NF2: variants seen among roughly 807,000 people sequenced by gnomAD.
The protein encoded by NF2 is NF2, moesin-ezrin-radixin like (MERLIN) tumor suppressor, also known as merlin.
In NF2, 8 loss-of-function variants were observed where a neutral mutation model predicts 83.7. That is an observed-to-expected ratio of 0.10 (90% CI 0.06 to 0.17). The LOEUF is 0.17. Ranked by LOEUF, NF2 falls within the 10% of genes least tolerant of loss-of-function variation. NF2 has a pLI of 1.00. For missense variants in NF2, 533 were observed against 744.4 expected, an observed-to-expected ratio of 0.72 and a Z score of 3.31; for synonymous variants, 266 against 269.6, an observed-to-expected ratio of 0.99 and a Z score of 0.13.
rs962656198 is a variant in NF2, at chr22:29,664,937, T to C, written c.811-53T>C. ...GCGCATTTGTGGAATTTCCAATTGCTGGTAACATTCCAGGCTGTCGGACTG... is the reference window on the plus strand; with the variant it reads ...GCGCATTTGTGGAATTTCCAATTGCCGGTAACATTCCAGGCTGTCGGACTG... On this transcript the variant is annotated intron_variant, in intron 8 of 15. Coordinates refer to ENST00000338641, the MANE Select transcript of NF2 (RefSeq NM_000268.4). 1.8e-5 allele frequency: 24 copies of C among 1,320,604 alleles called. No homozygotes were observed. In the Middle Eastern group the frequency reaches 4.3e-3, roughly 238 times the overall value. The allele number at this position is 1,320,604 out of a possible 1,614,324, so 81.8% of individuals were successfully genotyped here.
chr22:29,670,372 C>T (rs1193735583), intron 10 of NF2, among the ~76,000 whole-genome samples: 1 of 151,882 alleles, frequency 6.6e-6, no homozygotes, highest in Non-Finnish European at 1.5e-5. Context: ...TGTAGTAAGC[C>T]ACCTTATGGA....
intron 8 of NF2, among the ~76,000 whole-genome samples, chr22:29,663,002 G>C (rs1465310106): frequency 6.6e-6 from 1 of 152,210 alleles, no homozygotes; most frequent in African/African-American, 2.4e-5. Flanking sequence ...GGGAACACCA[G>C]GCCCCTGGTT....
chr22:29,688,224 T>C (rs1169134951), intron 15 of NF2, among the ~76,000 whole-genome samples: 2 of 152,214 alleles, frequency 1.3e-5, no homozygotes, highest in African/African-American at 4.8e-5. Context: ...GCCTAGGTAC[T>C]TTACCACCAT....
chr22:29,683,209 C>T (rs2067192205), intron 15 of NF2: 2 of 1,598,388 alleles, frequency 1.3e-6, no homozygotes, highest in Non-Finnish European at 1.7e-6. Context: ...CCGCAGCATG[C>T]TTTGAGTCTA....
chr22:29,690,004 G>GT (rs1211770952), intron 15 of NF2, among the ~76,000 whole-genome samples: 1 of 152,248 alleles, frequency 6.6e-6, no homozygotes, highest in East Asian at 1.9e-4. Context: ...TCATGCTGTG[G>GT]TTTTCCAGCA....
chr22:29,636,245 C>T lies in NF2; in HGVS notation c.115-506C>T, dbSNP rs2065644211. 6.6e-6 allele frequency among the ~76,000 whole-genome samples: 1 copy of T among 151,794 alleles called. No homozygotes were observed. Among genetic ancestry groups the T allele is most frequent in the African/African-American group, 2.4e-5 (1 of 41,318 alleles). On this transcript the variant is annotated intron_variant, in intron 1 of 15. Coordinates refer to ENST00000338641, the MANE Select transcript of NF2 (RefSeq NM_000268.4). This position sits in a 1 kb window ranked among gnomAD's most constrained non-coding sequence, Gnocchi z 4.4. ...CTGGTCTCTCATGGTTCTTTTTCTC[C>T]ATGATTTATGACTTTGATTATGATT...
chr22:29,691,773 C>T (rs558563407), intron 15 of NF2, among the ~76,000 whole-genome samples: 5 of 152,208 alleles, frequency 3.3e-5, no homozygotes, highest in Non-Finnish European at 5.9e-5. Flanking sequence ...GCATGCTCCG[C>T]GGGGTGGCTT....
intron 4 of NF2, among the ~76,000 whole-genome samples, chr22:29,642,709 G>T (rs898513801): frequency 1.3e-5 from 2 of 151,586 alleles, no homozygotes; most frequent in Non-Finnish European, 2.9e-5. Flanking sequence ...TGAATTTATG[G>T]TCTCCAATTT....
At chr22:29,608,172 CAAAAAAAAAAA>C (rs570144418) in intron 1 of NF2, among the ~76,000 whole-genome samples, 21 of 31,708 alleles carry the variant, frequency 6.6e-4, no homozygotes, top group Admixed American at 3.1e-3. Flanking sequence ...GACTCTGTCT[CAAAAAAAAAAA>C]AAAAAAAAAA....
chr22:29,615,593 G>A (rs910733965), intron 1 of NF2, among the ~76,000 whole-genome samples: 2 of 152,100 alleles, frequency 1.3e-5, no homozygotes, highest in African/African-American at 4.8e-5. Context: ...CAATTAGCTG[G>A]GTGTGGTAGC....
chr22:29,642,376 C>A, intron 4 of NF2, 91 bp downstream of exon 4: 1 of 1,031,666 alleles, frequency 9.7e-7, no homozygotes, highest in Non-Finnish European at 1.5e-6. Flanking sequence ...GTTTTCTGTA[C>A]TTCAGAGAGA....
intron 11 of NF2, among the ~76,000 whole-genome samples, chr22:29,672,314 T>A: frequency 6.7e-6 from 1 of 149,746 alleles, no homozygotes; most frequent in Middle Eastern, 3.2e-3. Context: ...TGTCTCTTTT[T>A]TTTTTTTTTT....
In NF2 at chr22:29,654,647, T is replaced by G; in HGVS notation, c.448-10T>G. On this transcript the variant is annotated splice_polypyrimidine_tract_variant and intron_variant, in intron 4 of 15. Coordinates refer to ENST00000338641, the MANE Select transcript of NF2 (RefSeq NM_000268.4). ...ATCTCAATCGCCTGCTCTCCCTTTC[T>G]TCTTTCCAGTATGGTGACTACGACC... 1 of 1,613,504 alleles carries G rather than the reference T, an allele frequency of 6.2e-7. No homozygotes were observed. Among genetic ancestry groups the G allele is most frequent in the Non-Finnish European group, 8.5e-7 (1 of 1,179,446 alleles).
At chr22:29,688,393 G>A (rs1486820877) in intron 15 of NF2, among the ~76,000 whole-genome samples, 7 of 152,244 alleles carry the variant, frequency 4.6e-5, no homozygotes, top group African/African-American at 1.7e-4. Context: ...CTCGTTCTGC[G>A]AGCCCGAGGT....
chr22:29,676,865 A>G (rs2066978280), intron 13 of NF2, among the ~76,000 whole-genome samples: 1 of 136,970 alleles, frequency 7.3e-6, no homozygotes, highest in East Asian at 2.0e-4. Context: ...AATTTTTATG[A>G]TGTGTAACAT....
rs1433909523 is a variant in NF2, at chr22:29,678,311, T to C, written c.1562T>C (p.Ile521Thr). The C allele has an allele frequency of 1.2e-6, 2 of 1,613,482 alleles. No individual in the cohort carries two copies. Among genetic ancestry groups the C allele is most frequent in the East Asian group, 2.2e-5 (1 of 44,838 alleles). Residue 521 changes from isoleucine to threonine, a missense_variant, in exon 14 of 16, where the codon ATA (isoleucine) becomes ACA (threonine). Coordinates refer to ENST00000338641, the MANE Select transcript of NF2 (RefSeq NM_000268.4). ...GACATGAAGCGGCTTTCCATGGAGATAGAGAAAGAAAAGTATGTAGCCCCC... is the reference window on the plus strand; with the variant it reads ...GACATGAAGCGGCTTTCCATGGAGACAGAGAAAGAAAAGTATGTAGCCCCC... ...DTDMKRLSME[I>T]EKEKVEYMEK... is the part of the protein sequence containing the mutation.
intron 1 of NF2, among the ~76,000 whole-genome samples, chr22:29,620,058 G>A (rs997749782): frequency 2.0e-5 from 3 of 152,096 alleles, no homozygotes; most frequent in African/African-American, 4.8e-5. Context: ...CCAGGAGTTC[G>A]AGACCAGTTT....
At chr22:29,671,427 G>A (rs1029469278) in intron 10 of NF2, among the ~76,000 whole-genome samples, 1 of 152,130 alleles carries the variant, frequency 6.6e-6, no homozygotes, top group African/African-American at 2.4e-5. Flanking sequence ...TACTCGGGAG[G>A]CTGAGGCAGG....
chr22:29,673,227 A>C, intron 11 of NF2, 42 bp from the exon 12 acceptor site: 2 of 1,545,804 alleles, frequency 1.3e-6, no homozygotes, highest in South Asian at 2.4e-5. Flanking sequence ...GCGGGAGAAC[A>C]GCACATGATC....
Sources: allele counts gnomAD v4.1 joint callset (sites outside exome capture counted in the v4.1 genomes callset), GRCh38; gene constraint gnomAD v4.1.1; non-coding constraint Gnocchi (gnomAD v3.1); transcripts MANE v1.5; gene names NCBI Gene and HGNC (gene_info 2026-07-23, HGNC 2026-07-21).